Variants in ZC3H7B observed in about 807,000 individuals in gnomAD.
ZC3H7B encodes zinc finger CCCH domain-containing protein 7B.
A neutral mutation model predicts 116.0 loss-of-function variants in ZC3H7B; 35 were observed. The ratio of observed to expected loss-of-function variants is 0.30; its 90% CI spans 0.23 to 0.40. The LOEUF is 0.40. ZC3H7B is among the 10% of genes least tolerant of loss of function. ZC3H7B has a pLI of 1.00. For missense variants in ZC3H7B, 1,011 were observed against 1,321.5 expected (o/e 0.77, Z 3.64); for synonymous variants, 502 against 545.6 (o/e 0.92, Z 1.11).
chr22:41,342,694 C>T, intron 12 of ZC3H7B, 66 bp downstream of exon 12: 1 of 1,430,828 alleles, frequency 7.0e-7, no homozygotes. Flanking sequence ...AACATGGGAT[C>T]CCAGATCAAA....
At position 41,302,749 on chromosome 22, in the gene ZC3H7B, C is replaced by A. The variant is rs2035988036; in HGVS notation, c.-7+977C>A. On this transcript the variant is annotated intron_variant, in intron 1 of 22. Coordinates refer to ENST00000352645, the MANE Select transcript of ZC3H7B (RefSeq NM_017590.6). The surrounding 1 kb of genome is among the most constrained non-coding windows in gnomAD (Gnocchi z 5.7). ...AGGGGGGAAAATAATCATATAAAAA[C>A]AGCTCACTCTGATAGAACCTGATGG... Among the ~76,000 whole-genome samples, 1 of 152,138 alleles carries A rather than the reference C, an allele frequency of 6.6e-6. No individual in the cohort carries two copies. Among genetic ancestry groups the A allele is most frequent in the Admixed American group, 6.5e-5 (1 of 15,278 alleles).
chr22:41,332,069 C>A (rs1300231033), intron 6 of ZC3H7B, 102 bp from the exon 7 acceptor site: 16 of 1,314,132 alleles, frequency 1.2e-5, no homozygotes, highest in Non-Finnish European at 1.7e-5. Flanking sequence ...GCTGCAGACC[C>A]CAGCTGCTTG....
In ZC3H7B at chr22:41,359,443, C is replaced by T. The variant is rs1348886351; in HGVS notation, c.*2014C>T. On this transcript the variant is annotated 3_prime_UTR_variant, in exon 23 of 23. Coordinates refer to ENST00000352645, the MANE Select transcript of ZC3H7B (RefSeq NM_017590.6). ...GTTTCAGGGGCCACTGGACTATTTGCAAGGTGACAGGGACTGGAGCCATGG... is the reference window on the plus strand; with the variant it reads ...GTTTCAGGGGCCACTGGACTATTTGTAAGGTGACAGGGACTGGAGCCATGG... 1 of 151,044 alleles carries T rather than the reference C, an allele frequency of 6.6e-6. No individual in the cohort carries two copies. Among genetic ancestry groups the T allele is most frequent in the African/African-American group, 2.5e-5 (1 of 40,340 alleles). The allele number at this position is 151,044 out of a possible 1,614,324, so 9.4% of individuals were successfully genotyped here. A position where few individuals can be genotyped will look rare whatever the true frequency, so the allele number is the denominator to read the frequency against.
chr22:41,347,686 G>A lies in ZC3H7B; in HGVS notation c.1666-381G>A, dbSNP rs1471507244. 3.3e-5 allele frequency among the ~76,000 whole-genome samples: 5 copies of A among 152,068 alleles called. No individual in the cohort carries two copies. The East Asian group carries it at 5.8e-4, about 18-fold the overall frequency. On this transcript the variant is annotated intron_variant, in intron 14 of 22. Transcript: ENST00000352645. ...GCCCTTCCCCTAGCTCTTCCAGGTC[G>A]GGACTTGTGCCAACCCCCCACAGGG...
In ZC3H7B at chr22:41,302,899, G is replaced by A. The variant is rs2035990996; in HGVS notation, c.-7+1127G>A. On this transcript the variant is annotated intron_variant, in intron 1 of 22. Coordinates refer to ENST00000352645, the MANE Select transcript of ZC3H7B (RefSeq NM_017590.6). This position sits in a 1 kb window ranked among gnomAD's most constrained non-coding sequence, Gnocchi z 5.7. ...CTGGTGATCAGCGGTTTTATTTCTC[G>A]GGTTGCTAGCTTTGGCATCAGACTT... Among the ~76,000 whole-genome samples, 1 of 152,168 alleles carries A rather than the reference G, an allele frequency of 6.6e-6. No individual in the cohort carries two copies. The highest frequency in any genetic ancestry group is 6.6e-5 in the Admixed American group (1 of 15,266).
intron 1 of ZC3H7B, among the ~76,000 whole-genome samples, chr22:41,315,621 A>G (rs1401940204): frequency 6.6e-6 from 1 of 152,150 alleles, no homozygotes. Flanking sequence ...TGGGAGTCCT[A>G]GTCAGTGTGC....
intron 10 of ZC3H7B, among the ~76,000 whole-genome samples, chr22:41,340,656 G>A (rs1022377393): frequency 6.6e-6 from 1 of 152,176 alleles, no homozygotes; most frequent in African/African-American, 2.4e-5. Context: ...TCAGCCTCAG[G>A]GCCAAAGGAG....
rs1291983718 is a variant in ZC3H7B at position 41,349,276 on chromosome 22, G to C, written c.1923G>C (p.Lys641Asn). Residue 641 changes from lysine (K) to asparagine (N), a missense_variant, in exon 16 of 23, where the codon AAG becomes AAC. Physicochemically the swap from Lys to Asn is moderately conservative, Grantham distance 94. Around this residue, in one of 5 missense-constraint regions of ZC3H7B, gnomAD observed 406 missense variants for 590.2 expected, o/e 0.69. Coordinates refer to ENST00000352645, the MANE Select transcript of ZC3H7B (RefSeq NM_017590.6). The surrounding 1 kb of genome is among the most constrained non-coding windows in gnomAD (Gnocchi z 4.9). Reference protein sequence around the residue: ...CHFAHSFIELKVWLLQQYSGM... With the variant: ...CHFAHSFIELNVWLLQQYSGM... ...TCGCCCACAGCTTCATCGAGCTCAA[G>C]GTCTGGCTGCTGCAGCAGTACTCAG... 2.5e-6 allele frequency: 4 copies of C among 1,613,714 alleles called. No individual in the cohort carries two copies. The South Asian group carries it at 4.4e-5, about 18-fold the overall frequency.
chr22:41,345,935 G>T (rs2036578723), intron 13 of ZC3H7B, 68 bp from the exon 14 acceptor site: 2 of 1,531,646 alleles, frequency 1.3e-6, no homozygotes, highest in Non-Finnish European at 1.8e-6. Context: ...GGCCGCAGCG[G>T]GGTGGCGAGG....
At chr22:41,305,435 G>T (rs1382466462) in intron 1 of ZC3H7B, among the ~76,000 whole-genome samples, 6 of 151,764 alleles carry the variant, frequency 4.0e-5, no homozygotes, top group Non-Finnish European at 8.8e-5. Flanking sequence ...TCTTGAACCT[G>T]GGGGGTGGAG....
intron 10 of ZC3H7B, 90 bp from the exon 11 acceptor site, chr22:41,340,998 C>A: frequency 1.5e-6 from 2 of 1,312,916 alleles, no homozygotes; most frequent in Non-Finnish European, 2.2e-6. Flanking sequence ...GGGGCTTCTC[C>A]GAGTCAGCAA....
chr22:41,309,931 C>T (rs2036095578), intron 1 of ZC3H7B, among the ~76,000 whole-genome samples: 1 of 152,036 alleles, frequency 6.6e-6, no homozygotes, highest in Non-Finnish European at 1.5e-5. Flanking sequence ...GATGGCTGAG[C>T]ACGGTGGCTC....
At chr22:41,318,244 G>C (rs1218503370) in intron 1 of ZC3H7B, among the ~76,000 whole-genome samples, 1 of 151,966 alleles carries the variant, frequency 6.6e-6, no homozygotes, top group Non-Finnish European at 1.5e-5. Context: ...AGACCAGCCT[G>C]AGAGGCTGGG....
In ZC3H7B at chr22:41,357,111, C is replaced by T. The variant is rs1303417919; in HGVS notation, c.2682-66C>T. 6.3e-6 allele frequency: 10 copies of T among 1,584,102 alleles called. No homozygotes were observed. The highest frequency in any genetic ancestry group is 7.7e-6 in the Non-Finnish European group (9 of 1,167,686). ...TCTTCGGGGAGGTCAAGCGGCCGGC[C>T]CCAGATGGACAGCCTGGGGTGGGAA... On this transcript the variant is annotated intron_variant, in intron 22 of 22. Transcript: ENST00000352645. This position sits in a 1 kb window ranked among gnomAD's most constrained non-coding sequence, Gnocchi z 5.4.
chr22:41,324,543 C>T (rs978838838), intron 2 of ZC3H7B, among the ~76,000 whole-genome samples: 3 of 152,232 alleles, frequency 2.0e-5, no homozygotes, highest in African/African-American at 7.2e-5. Flanking sequence ...AGCCCAGCTT[C>T]CCTTCCAGCC....
chr22:41,318,064 G>C (rs1311204005), intron 1 of ZC3H7B, among the ~76,000 whole-genome samples: 1 of 152,208 alleles, frequency 6.6e-6, no homozygotes, highest in Non-Finnish European at 1.5e-5. Flanking sequence ...GCTAGACATA[G>C]AGTGGCCCTT....
chr22:41,357,375 C>T lies in ZC3H7B; in HGVS notation c.2880C>T (p.Ala960=), dbSNP rs754688007. The T allele has an allele frequency of 9.9e-6, 16 of 1,613,080 alleles. No individual in the cohort carries two copies. The highest frequency in any genetic ancestry group is 3.3e-4 in the Middle Eastern group (2 of 6,060). ...TGCTGCAAGAGGACGGGGACCTTGC[C>T]GGTGCCACCCCAGAAGCCCCTGCTG... ...NFLLQEDGDL[A]GATPEAPAAA... is the part of the protein sequence containing the mutation. Residue 960 remains alanine, a synonymous_variant, in exon 23 of 23, where the codon GCC becomes GCT. Transcript: ENST00000352645. The surrounding 1 kb of genome is among the most constrained non-coding windows in gnomAD (Gnocchi z 5.4).
chr22:41,346,166 G>C lies in ZC3H7B; in HGVS notation c.1623G>C (p.Lys541Asn). The change falls in exon 14 of 23, where the codon AAG becomes AAC. Residue 541 changes from lysine (K) to asparagine (N), a missense_variant. By Grantham distance (94) the Lys-to-Asn change is moderately conservative. Around this residue, in one of 5 missense-constraint regions of ZC3H7B, gnomAD observed 179 missense variants for 178.5 expected, o/e 1.00. Coordinates refer to ENST00000352645, the MANE Select transcript of ZC3H7B (RefSeq NM_017590.6). This position sits in a 1 kb window ranked among gnomAD's most constrained non-coding sequence, Gnocchi z 5.3. ...GVKRGSLTIA[K>N]LLKEHQGIFT... ...AGCGCGGCAGCCTCACCATCGCCAA[G>C]CTCCTGAAGGAGCACCAGGGCATCT... The C allele has an allele frequency of 6.2e-7, 1 of 1,612,324 alleles. No homozygotes were observed. The highest frequency in any genetic ancestry group is 1.1e-5 in the South Asian group (1 of 91,088).
chr22:41,324,822 T>A (rs2036297384), intron 2 of ZC3H7B, among the ~76,000 whole-genome samples: 1 of 152,178 alleles, frequency 6.6e-6, no homozygotes, highest in Non-Finnish European at 1.5e-5. Context: ...TTTGGTTTGA[T>A]GGGGCGTGGT....
Sources: gnomAD v4.1 joint callset for allele counts (sites outside exome capture counted in the v4.1 genomes callset) on GRCh38, gnomAD v4.1.1 for gene constraint, gnomAD v4.1.1 regional missense constraint, Gnocchi (gnomAD v3.1) non-coding constraint, MANE v1.5 for transcripts, NCBI Gene and HGNC (gene_info 2026-07-23, HGNC 2026-07-21) for gene names.